The following MTCL1 variants were observed in gnomAD, a reference collection of about 807,000 sequenced individuals.
The protein encoded by MTCL1 is microtubule crosslinking factor 1, also known as microtubule cross-linking factor 1.
Under a neutral mutation model 141.4 loss-of-function variants are expected in MTCL1, and 79 were observed. That is an observed-to-expected ratio of 0.56 (90% CI 0.47 to 0.67). The LOEUF is 0.67. MTCL1 is among the 30% of genes least tolerant of loss of function. The probability of loss-of-function intolerance (pLI) is 0.00; values close to 1 mark genes in which losing one functional copy is unlikely to be tolerated. For missense variants in MTCL1, 2,177 were observed against 2,113.9 expected, an observed-to-expected ratio of 1.03 and a Z score of -0.59; for synonymous variants, 914 against 875.8, an observed-to-expected ratio of 1.04 and a Z score of -0.77.
chr18:8,758,223 A>G (rs927596286), intron 4 of MTCL1, among the ~76,000 whole-genome samples: 2 of 152,016 alleles, frequency 1.3e-5, no homozygotes, highest in Non-Finnish European at 2.9e-5. Flanking sequence ...GGGTTTCTCC[A>G]TGTTGGTCAG....
chr18:8,824,642 G>A, intron 14 of MTCL1, 57 bp from the exon 14 acceptor site: 1 of 1,457,034 alleles, frequency 6.9e-7, no homozygotes, highest in Non-Finnish European at 9.4e-7. Flanking sequence ...CATGGGTGTT[G>A]TGGTGTGTCA....
chr18:8,821,045 A>G (rs979327811), intron 13 of MTCL1, among the ~76,000 whole-genome samples: 1 of 152,070 alleles, frequency 6.6e-6, no homozygotes, highest in African/African-American at 2.4e-5. Context: ...ACGTTACTCT[A>G]TCACCTTCCA....
intron 4 of MTCL1, among the ~76,000 whole-genome samples, chr18:8,758,667 C>T (rs144196705): frequency 3.2e-4 from 49 of 152,286 alleles, no homozygotes; most frequent in South Asian, 8.3e-4. Context: ...TGAAGTTTTC[C>T]TGAGAAAGGT....
chr18:8,786,111 C>CT lies in MTCL1; in HGVS notation c.1887+20_1887+21insT, dbSNP rs1555655940. 48 of 1,128,976 alleles carry CT rather than the reference C, an allele frequency of 4.3e-5. 1 individual carries two copies. The highest frequency in any genetic ancestry group is 5.4e-5 in the Non-Finnish European group (46 of 857,572). 69.9% of individuals were successfully genotyped at this position (1,128,976 alleles called of 1,614,324 possible). A position where few individuals can be genotyped will look rare whatever the true frequency, so the allele number is the denominator to read the frequency against. The stretch of plus-strand genomic sequence containing the variant: ...CTGGAGGTCAGCGTGGGCAAGCAAT[C>CT]CCCCCCCCCCGCCCTCCCCCTCCTT... On this transcript the variant is annotated intron_variant, in intron 7 of 16. Transcript: ENST00000359865.
At chr18:8,708,614 C>T (rs886260928) in intron 1 of MTCL1, among the ~76,000 whole-genome samples, 1 of 152,218 alleles carries the variant, frequency 6.6e-6, no homozygotes, top group African/African-American at 2.4e-5. Flanking sequence ...CTATTTCCAG[C>T]GAGGCTGCTT....
intron 5 of MTCL1, among the ~76,000 whole-genome samples, chr18:8,778,937 C>A (rs1417703541): frequency 6.6e-6 from 1 of 152,228 alleles, no homozygotes; most frequent in Non-Finnish European, 1.5e-5. Context: ...ACAGGAGCTG[C>A]TGCTCCTTGG....
At chr18:8,758,265 C>A (rs1254909092) in intron 4 of MTCL1, among the ~76,000 whole-genome samples, 1 of 152,024 alleles carries the variant, frequency 6.6e-6, no homozygotes, top group East Asian at 1.9e-4. Flanking sequence ...TTAGGTGATC[C>A]GCCTGCCTCG....
exon 6 of MTCL1, chr18:8,783,651 A>T (rs144955054): frequency 1.6e-5 from 26 of 1,613,192 alleles, no homozygotes; most frequent in Non-Finnish European, 2.1e-5. Context: ...CTCCAGAAGT[A>T]CAAGTCCCTC....
chr18:8,708,180 A>G (rs138536052), intron 1 of MTCL1, among the ~76,000 whole-genome samples: 81 of 152,294 alleles, frequency 5.3e-4, no homozygotes, highest in African/African-American at 1.6e-3. Context: ...TTGTTTTTGT[A>G]TCCCTGGCTC....
At chr18:8,813,660 A>G (rs1359106214) in intron 12 of MTCL1, among the ~76,000 whole-genome samples, 1 of 152,244 alleles carries the variant, frequency 6.6e-6, no homozygotes, top group African/African-American at 2.4e-5. Flanking sequence ...AATTGTTGTC[A>G]TTAGAAAAGA....
chr18:8,796,579 T>G (rs1020841454), intron 9 of MTCL1, 117 bp downstream of exon 8: 63 of 1,068,664 alleles, frequency 5.9e-5, no homozygotes, highest in Non-Finnish European at 8.0e-5. Flanking sequence ...TTCTCAATAT[T>G]TGGTTAACAT....
At chr18:8,706,566 C>A (rs2096059012) in exon 1 of MTCL1, 2 of 1,449,454 alleles carry the variant, frequency 1.4e-6, no homozygotes, top group Non-Finnish European at 1.8e-6. Context: ...CGGAGGATGT[C>A]CGGGGGCGCT....
chr18:8,792,958 C>G, intron 7 of MTCL1, 40 bp from the exon 7 acceptor site: 1 of 1,609,294 alleles, frequency 6.2e-7, no homozygotes, highest in Non-Finnish European at 8.5e-7. Flanking sequence ...AGGCAGAGTT[C>G]TCATTTCCAC....
chr18:8,766,802 C>T (rs1182754993), intron 4 of MTCL1, among the ~76,000 whole-genome samples: 2 of 152,220 alleles, frequency 1.3e-5, no homozygotes, highest in Admixed American at 1.3e-4. Context: ...ACTTCCCTCC[C>T]TCTGTTCTGC....
chr18:8,829,550 A>G (rs2077130464), intron 16 of MTCL1: 1 of 980,760 alleles, frequency 1.0e-6, no homozygotes, highest in Non-Finnish European at 1.2e-6. Context: ...CCCCACTCCA[A>G]ATATCTTGAG....
intron 4 of MTCL1, among the ~76,000 whole-genome samples, chr18:8,749,984 A>G (rs532800837): frequency 5.9e-5 from 9 of 152,306 alleles, no homozygotes; most frequent in Non-Finnish European, 1.0e-4. Context: ...CCCATAGGGA[A>G]TATTAAAGTT....
chr18:8,786,365 TG>T, intron 7 of MTCL1: 1 of 654,824 alleles, frequency 1.5e-6, no homozygotes, highest in Non-Finnish European at 2.8e-6. Flanking sequence ...CGGGAGCACC[TG>T]GAAGTAGGCT....
In MTCL1 at chr18:8,784,719, T is replaced by C. The variant is rs143118025; in HGVS notation, c.1607T>C (p.Ile536Thr). 699 of 1,614,212 alleles carry C rather than the reference T, an allele frequency of 4.3e-4. 3 individuals are homozygous for C. The highest frequency in any genetic ancestry group is 2.3e-3 in the Middle Eastern group (14 of 6,062). The change falls in exon 6 of 17, where the codon ATT (isoleucine) becomes ACT (threonine). Residue 536 changes from isoleucine to threonine, a missense_variant. Ile to Thr is a moderately conservative substitution (Grantham distance 89). Transcript: ENST00000359865. ...GCCTTCCTGGAGCAGGTGAACCGCA[T>C]TGGGGATGGCCTATCCCCCTTGCCC...
At chr18:8,710,888 C>CTTTTTTTTTTTTTTTTTTTTTTT (rs71356255) in intron 1 of MTCL1, among the ~76,000 whole-genome samples, 4 of 80,934 alleles carry the variant, frequency 4.9e-5, no homozygotes, top group Non-Finnish European at 8.8e-5. Flanking sequence ...TTTTTTTTTA[C>CTTTTTTTTTTTTTTTTTTTTTTT]TTTTTTTTTT....
Sources: gnomAD v4.1 joint callset for allele counts (sites outside exome capture counted in the v4.1 genomes callset) on GRCh38, gnomAD v4.1.1 for gene constraint, MANE v1.5 for transcripts, NCBI Gene and HGNC (gene_info 2026-07-23, HGNC 2026-07-21) for gene names.